Variants in AGBL1 observed in about 807,000 individuals in gnomAD.
AGBL1 encodes the protein cytosolic carboxypeptidase 4.
A neutral mutation model predicts 118.9 loss-of-function variants in AGBL1; 130 were observed. That is an observed-to-expected ratio of 1.09 (90% CI 0.95 to 1.26). The LOEUF (loss-of-function observed/expected upper bound fraction) is 1.26. AGBL1 is among the 50% of genes most tolerant of loss of function. AGBL1 has a pLI of 0.00. For missense variants in AGBL1, 1,584 were observed against 1,298.1 expected (o/e 1.22, Z -3.38); for synonymous variants, 555 against 478.9 (o/e 1.16, Z -2.08).
chr15:86,293,372 T>A (rs998858715), intron 16 of AGBL1, among the ~76,000 whole-genome samples: 1 of 152,178 alleles, frequency 6.6e-6, no homozygotes, highest in African/African-American at 2.4e-5. Flanking sequence ...TTTCCTTTCC[T>A]TTTCCAGCTT....
At position 86,221,469 on chromosome 15, in the gene AGBL1, G is replaced by A. The variant is rs757370311; in HGVS notation, c.489-3445G>A. Among the ~76,000 whole-genome samples the A allele has an allele frequency of 7.2e-5, 11 of 152,298 alleles. No homozygotes were observed. In the East Asian group the frequency reaches 1.7e-3, roughly 24 times the overall value. On this transcript the variant is annotated intron_variant, in intron 5 of 22. Transcript: ENST00000614907. ...AGTTGGTTGACAGAGTAGTTGCCTC[G>A]GCTCTGATAGGTTTTACTTCTTTCT...
At chr15:86,882,883 A>G (rs1032930381) in intron 22 of AGBL1, among the ~76,000 whole-genome samples, 1 of 152,236 alleles carries the variant, frequency 6.6e-6, no homozygotes, top group Admixed American at 6.5e-5. Context: ...CATATTTCCA[A>G]TGAAAATAGT....
chr15:86,633,893 T>A (rs1278303693), intron 21 of AGBL1, among the ~76,000 whole-genome samples: 1 of 47,210 alleles, frequency 2.1e-5, no homozygotes, highest in Admixed American at 2.8e-4. Context: ...TATATATATA[T>A]AATGTATATA....
At chr15:86,798,731 C>A (rs961994680) in intron 22 of AGBL1, among the ~76,000 whole-genome samples, 1 of 148,420 alleles carries the variant, frequency 6.7e-6, no homozygotes, top group African/African-American at 2.5e-5. Flanking sequence ...TATCCAGGAC[C>A]GGCAACTAGA....
intron 24 of AGBL1, among the ~76,000 whole-genome samples, chr15:86,991,883 G>A (rs2081339276): frequency 6.6e-6 from 1 of 152,122 alleles, no homozygotes; most frequent in South Asian, 2.1e-4. Flanking sequence ...GTATTAGTTG[G>A]GGATAGACTA....
At chr15:86,671,305 T>C (rs1215289720) in intron 21 of AGBL1, among the ~76,000 whole-genome samples, 1 of 152,182 alleles carries the variant, frequency 6.6e-6, no homozygotes, top group East Asian at 1.9e-4. Flanking sequence ...TGGCAGATAG[T>C]GTGGCCTTTA....
At chr15:86,154,302 G>C in intron 3 of AGBL1, 128 bp from the exon 4 acceptor site, 1 of 1,030,800 alleles carries the variant, frequency 9.7e-7, no homozygotes, top group Non-Finnish European at 1.4e-6. Context: ...TTTGTCACTA[G>C]GTCTGAAAAA....
chr15:86,929,961 G>C (rs1306949003), intron 23 of AGBL1, among the ~76,000 whole-genome samples: 2 of 152,056 alleles, frequency 1.3e-5, no homozygotes, highest in Non-Finnish European at 2.9e-5. Context: ...AATGCCCTTT[G>C]GCTGGCTAAT....
rs138208671 is a variant in AGBL1 at position 86,412,899 on chromosome 15, C to A, written c.2555+15353C>A. ...TACATATATTATCTTTTAATTCTCACACAACCCTCTGTGGTAAATATTAAT... is the reference window on the plus strand; with the variant it reads ...TACATATATTATCTTTTAATTCTCAAACAACCCTCTGTGGTAAATATTAAT... On this transcript the variant is annotated intron_variant, in intron 18 of 22. Transcript: ENST00000614907. Among the ~76,000 whole-genome samples the A allele has an allele frequency of 6.8e-3, 1,038 of 152,270 alleles. 16 individuals carry two copies. The highest frequency in any genetic ancestry group is 0.022 in the African/African-American group (915 of 41,542).
exon 24 of AGBL1, chr15:86,988,005 C>A: frequency 1.2e-6 from 2 of 1,613,592 alleles, no homozygotes; most frequent in Non-Finnish European, 8.5e-7. Context: ...CATCCAATTT[C>A]CTGCCAAAGC....
intron 22 of AGBL1, among the ~76,000 whole-genome samples, chr15:86,679,533 A>G (rs1011075459): frequency 7.9e-5 from 12 of 151,992 alleles, no homozygotes; most frequent in Admixed American, 6.6e-5. Context: ...TTTGACCATC[A>G]GCTTTGCTTA....
At chr15:86,190,849 A>G (rs946316410) in intron 5 of AGBL1, among the ~76,000 whole-genome samples, 1 of 152,244 alleles carries the variant, frequency 6.6e-6, no homozygotes. Context: ...TCTAAAAGAT[A>G]TAAGCAAGAC....
chr15:86,709,425 C>G (rs2086514241), intron 22 of AGBL1, among the ~76,000 whole-genome samples: 1 of 152,032 alleles, frequency 6.6e-6, no homozygotes, highest in South Asian at 2.1e-4. Flanking sequence ...ATCAAGCAGC[C>G]AAGAGATCTA....
chr15:86,807,934 A>G (rs1596500823), intron 22 of AGBL1, among the ~76,000 whole-genome samples: 1 of 152,132 alleles, frequency 6.6e-6, no homozygotes, highest in Non-Finnish European at 1.5e-5. Context: ...GTGTGAATAT[A>G]AGCTTCACAC....
intron 3 of AGBL1, among the ~76,000 whole-genome samples, chr15:86,147,658 A>C (rs910530320): frequency 1.3e-5 from 2 of 152,046 alleles, no homozygotes; most frequent in Non-Finnish European, 2.9e-5. Context: ...CTGCCTCTAG[A>C]CTCCACTTCT....
chr15:86,549,875 G>C (rs1162208854), intron 20 of AGBL1, among the ~76,000 whole-genome samples: 2 of 141,576 alleles, frequency 1.4e-5, no homozygotes, highest in African/African-American at 5.2e-5. Flanking sequence ...GGAAGGGTGG[G>C]GAGGGGAGTG....
intron 22 of AGBL1, among the ~76,000 whole-genome samples, chr15:86,694,832 TC>T (rs1373890233): frequency 6.6e-6 from 1 of 152,146 alleles, no homozygotes; most frequent in Non-Finnish European, 1.5e-5. Context: ...AAATACTTTT[TC>T]TGCATCTATT....
intron 6 of AGBL1, among the ~76,000 whole-genome samples, chr15:86,236,509 T>C (rs117738789): frequency 2.0e-5 from 3 of 152,078 alleles, no homozygotes; most frequent in East Asian, 1.9e-4. Flanking sequence ...TCGAGAGTGA[T>C]AGGAGTTGAG....
At chr15:86,539,692 G>T (rs545166499) in intron 19 of AGBL1, among the ~76,000 whole-genome samples, 20 of 152,132 alleles carry the variant, frequency 1.3e-4, no homozygotes, top group Non-Finnish European at 2.5e-4. Context: ...TTGCTGTTTT[G>T]TCATTTGCTT....
Sources: gnomAD v4.1 joint callset for allele counts (sites outside exome capture counted in the v4.1 genomes callset) on GRCh38, gnomAD v4.1.1 for gene constraint, MANE v1.5 for transcripts, NCBI Gene and HGNC (gene_info 2026-07-23, HGNC 2026-07-21) for gene names.